Variants in PDLIM5 observed in about 807,000 individuals in gnomAD.
PDLIM5 encodes the protein PDZ and LIM domain protein 5.
A neutral mutation model predicts 64.2 loss-of-function variants in PDLIM5; 34 were observed. The ratio of observed to expected loss-of-function variants is 0.53; its 90% CI spans 0.40 to 0.71. The LOEUF (loss-of-function observed/expected upper bound fraction) is 0.71. PDLIM5 is among the 30% of genes least tolerant of loss of function. PDLIM5 has a pLI of 0.00. For missense variants in PDLIM5, 683 were observed against 733.6 expected (o/e 0.93, Z 0.80); for synonymous variants, 253 against 269.1 (o/e 0.94, Z 0.59).
At chr4:94,611,250 G>T in intron 7 of PDLIM5, 3 of 1,466,852 alleles carry the variant, frequency 2.0e-6, no homozygotes, top group Admixed American at 4.0e-5. Flanking sequence ...TAAGCATACT[G>T]CTTTCTCTAA....
At chr4:94,459,409 T>C (rs1464787942) in intron 2 of PDLIM5, among the ~76,000 whole-genome samples, 1 of 152,180 alleles carries the variant, frequency 6.6e-6, no homozygotes, top group Non-Finnish European at 1.5e-5. Flanking sequence ...GAGGATAAAT[T>C]GTTATAAGCT....
chr4:94,478,537 A>C (rs188598734), intron 2 of PDLIM5, among the ~76,000 whole-genome samples: 9 of 152,274 alleles, frequency 5.9e-5, no homozygotes, highest in Non-Finnish European at 1.2e-4. Flanking sequence ...TTATTAATCA[A>C]GGAAATCTAT....
intron 12 of PDLIM5, among the ~76,000 whole-genome samples, chr4:94,663,713 C>T (rs1439207884): frequency 1.3e-5 from 2 of 152,084 alleles, no homozygotes; most frequent in African/African-American, 4.8e-5. Flanking sequence ...GATAAATCTT[C>T]CCTCTGGATA....
At chr4:94,568,380 C>T (rs1251651484) in intron 3 of PDLIM5, among the ~76,000 whole-genome samples, 1 of 151,174 alleles carries the variant, frequency 6.6e-6, no homozygotes, top group Non-Finnish European at 1.5e-5. Context: ...AACAGTGGGA[C>T]ATATAGAATA....
intron 2 of PDLIM5, among the ~76,000 whole-genome samples, chr4:94,471,023 G>A (rs1391974467): frequency 2.0e-5 from 3 of 152,100 alleles, no homozygotes; most frequent in Admixed American, 6.5e-5. Context: ...AAACCCATCA[G>A]GTTTCGTGAG....
chr4:94,493,392 A>T (rs889042108), intron 2 of PDLIM5, among the ~76,000 whole-genome samples: 1 of 151,534 alleles, frequency 6.6e-6, no homozygotes, highest in African/African-American at 2.4e-5. Context: ...GCTCACTGCA[A>T]CCTCTGTCTC....
rs550628105 is a variant in PDLIM5 at position 94,470,071 on chromosome 4, A to G, written c.96+14687A>G. Among the ~76,000 whole-genome samples, 619 of 145,264 alleles carry G rather than the reference A, an allele frequency of 4.3e-3. 3 individuals carry two copies. Among genetic ancestry groups the G allele is most frequent in the Middle Eastern group, 0.011 (3 of 264 alleles). The stretch of plus-strand genomic sequence containing the variant: ...AACCTCCGCCTCTCGGGTTTAAGTA[A>G]TTGTCCTGCCTAAGCCTCCCCAGTA... On this transcript the variant is annotated intron_variant, in intron 2 of 12. Transcript: ENST00000317968.
intron 2 of PDLIM5, chr4:94,457,184 AT>A: frequency 2.1e-6 from 2 of 973,508 alleles, no homozygotes; most frequent in Non-Finnish European, 2.4e-6. Flanking sequence ...TGCAAATCCC[AT>A]TTTACTAACG....
At chr4:94,592,211 G>T (rs2110331730) in intron 7 of PDLIM5, among the ~76,000 whole-genome samples, 1 of 152,344 alleles carries the variant, frequency 6.6e-6, no homozygotes, top group Non-Finnish European at 1.5e-5. Flanking sequence ...GCAATGAAAT[G>T]AGAAGCTTCA....
intron 9 of PDLIM5, among the ~76,000 whole-genome samples, chr4:94,647,838 T>A (rs965926310): frequency 1.3e-5 from 2 of 152,058 alleles, no homozygotes; most frequent in African/African-American, 4.8e-5. Context: ...GGAATGAAAT[T>A]AGAAATCAAT....
rs563024602 is a variant in PDLIM5 at position 94,547,759 on chromosome 4, G to T, written c.248+23884G>T. Reference sequence around the variant, plus strand: ...TGATGCATTTTATTACCACCTGTTTGCCAGAATTATATTCAGACTCCTTTC... The same window carrying T: ...TGATGCATTTTATTACCACCTGTTTTCCAGAATTATATTCAGACTCCTTTC... On this transcript the variant is annotated intron_variant, in intron 3 of 12. Transcript: ENST00000317968. Among the ~76,000 whole-genome samples, 5 of 152,248 alleles carry T rather than the reference G, an allele frequency of 3.3e-5. No individual in the cohort carries two copies. The South Asian group carries it at 1.0e-3, about 32-fold the overall frequency.
chr4:94,587,691 A>G (rs1469601624), intron 7 of PDLIM5: 2 of 984,664 alleles, frequency 2.0e-6, no homozygotes, highest in Non-Finnish European at 2.4e-6. Context: ...TGGCTCCTGA[A>G]AAAGGAAAGA....
At chr4:94,662,981 CT>C (rs1489416814) in intron 12 of PDLIM5, among the ~76,000 whole-genome samples, 1 of 152,058 alleles carries the variant, frequency 6.6e-6, no homozygotes, top group Non-Finnish European at 1.5e-5. Context: ...GCAATAGCCC[CT>C]GGATATTCTT....
At chr4:94,542,876 G>A (rs897440536) in intron 3 of PDLIM5, among the ~76,000 whole-genome samples, 1 of 152,016 alleles carries the variant, frequency 6.6e-6, no homozygotes, top group Non-Finnish European at 1.5e-5. Context: ...AAGTTTAATG[G>A]TTATAATTAC....
intron 7 of PDLIM5, chr4:94,587,191 CT>C (rs1736299844): frequency 6.9e-7 from 1 of 1,454,252 alleles, no homozygotes; most frequent in Non-Finnish European, 9.0e-7. Context: ...AAAAATAGAA[CT>C]TTTTCTATAC....
intron 3 of PDLIM5, among the ~76,000 whole-genome samples, chr4:94,540,185 C>T (rs1332969920): frequency 6.7e-6 from 1 of 149,306 alleles, no homozygotes; most frequent in African/African-American, 2.5e-5. Flanking sequence ...GGCTGGAGTG[C>T]AGTGGCGCGA....
At chr4:94,654,785 A>G (rs1176441347) in intron 10 of PDLIM5, 145 bp downstream of exon 10, 1 of 595,304 alleles carries the variant, frequency 1.7e-6, no homozygotes, top group Non-Finnish European at 3.0e-6. Flanking sequence ...TTGTAAAGCA[A>G]AACTAAATAG....
At chr4:94,600,229 G>T (rs1737386551) in intron 7 of PDLIM5, among the ~76,000 whole-genome samples, 2 of 152,212 alleles carry the variant, frequency 1.3e-5, no homozygotes, top group Admixed American at 6.5e-5. Flanking sequence ...TCAAGTAATT[G>T]TTTTTTGTTA....
At chr4:94,603,420 TAGC>T (rs1301033539) in intron 7 of PDLIM5, among the ~76,000 whole-genome samples, 1 of 152,084 alleles carries the variant, frequency 6.6e-6, no homozygotes, top group Non-Finnish European at 1.5e-5. Context: ...GAGAGGGTGG[TAGC>T]AGAGAAATGG....
Sources: allele counts gnomAD v4.1 joint callset (sites outside exome capture counted in the v4.1 genomes callset), GRCh38; gene constraint gnomAD v4.1.1; transcripts MANE v1.5; gene names NCBI Gene and HGNC (gene_info 2026-07-23, HGNC 2026-07-21).